TXLNB: variants seen among roughly 807,000 people sequenced by gnomAD.
TXLNB encodes the protein taxilin beta, also known as beta-taxilin.
A neutral mutation model predicts 57.4 loss-of-function variants in TXLNB; 37 were observed. That is an observed-to-expected ratio of 0.64 (90% CI 0.50 to 0.85). TXLNB has a LOEUF of 0.85. Among genes scored for constraint, TXLNB ranks in the 40% least tolerant of loss-of-function variants. The pLI, the probability that TXLNB is intolerant of heterozygous loss-of-function variation, is 0.00. For synonymous variants in TXLNB, 302 were observed against 309.6 expected, an observed-to-expected ratio of 0.98 and a Z score of 0.26; for missense variants, 848 against 825.6, an observed-to-expected ratio of 1.03 and a Z score of -0.33.
At chr6:139,301,868 C>T in the TXLNB span, among the ~76,000 whole-genome samples, 2 of 152,138 alleles carry the variant, frequency 1.3e-5, no homozygotes, top group South Asian at 2.1e-4. Flanking sequence ...AGACTTGTCC[C>T]GTCCCCTAAA....
intron 2 of TXLNB, among the ~76,000 whole-genome samples, chr6:139,279,336 T>C (rs918667428): frequency 6.6e-6 from 1 of 152,348 alleles, no homozygotes; most frequent in East Asian, 1.9e-4. Context: ...CTGAGGTCTC[T>C]TTCTGCTCTA....
At chr6:139,183,062 T>C in the TXLNB span, 5 of 152,252 alleles carry the variant, frequency 3.3e-5, no homozygotes, top group African/African-American at 7.2e-5. Flanking sequence ...TCATAGAATT[T>C]AGACGTGTCA....
chr6:139,262,735 T>C lies in TXLNB; in HGVS notation c.726A>G (p.Lys242=). The C allele has an allele frequency of 1.9e-6, 3 of 1,614,030 alleles. No individual in the cohort carries two copies. Among genetic ancestry groups the C allele is most frequent in the Non-Finnish European group, 2.5e-6 (3 of 1,179,984 alleles). ...GGAAATGGCTTGTGATTTCCTTCCT[T>C]TTCTCTTCTTCCTCACGTGCCCGCT... ...ALQRAREEEE[K]RKEITSHFQS... Residue 242 remains lysine (K), a synonymous_variant, in exon 5 of 10, where the codon AAA becomes AAG. Transcript: ENST00000358430.
At chr6:139,173,294 A>G in the TXLNB span, among the ~76,000 whole-genome samples, 1 of 152,202 alleles carries the variant, frequency 6.6e-6, no homozygotes, top group Non-Finnish European at 1.5e-5. Flanking sequence ...ACACTTATAA[A>G]GTGCTTTCCA....
At chr6:139,229,322 T>TTTTA in the TXLNB span, among the ~76,000 whole-genome samples, 99,362 of 150,952 alleles carry the variant, frequency 0.66, 33,156 homozygotes, top group East Asian at 0.81. Context: ...CATTTTAAAA[T>TTTTA]TTTATTTATT....
At chr6:139,192,231 G>T in the TXLNB span, among the ~76,000 whole-genome samples, 2 of 152,286 alleles carry the variant, frequency 1.3e-5, no homozygotes, top group East Asian at 3.9e-4. Context: ...AGACATACTT[G>T]TCTGCCAGCT....
At chr6:139,288,329 G>T in intron 2 of TXLNB, 147 bp downstream of exon 2, 1 of 781,878 alleles carries the variant, frequency 1.3e-6, no homozygotes, top group Non-Finnish European at 2.0e-6. Context: ...AGGGGTAAGG[G>T]CTGGGGACAA....
intron 6 of TXLNB, among the ~76,000 whole-genome samples, chr6:139,259,516 G>A (rs1438625729): frequency 6.6e-6 from 1 of 152,152 alleles, no homozygotes; most frequent in East Asian, 1.9e-4. Flanking sequence ...TCCTCATCTG[G>A]CAGGGCTTAG....
At chr6:139,303,631 T>C in the TXLNB span, among the ~76,000 whole-genome samples, 1 of 151,776 alleles carries the variant, frequency 6.6e-6, no homozygotes, top group African/African-American at 2.4e-5. Context: ...TAAGTAATTA[T>C]AAATTACTTA....
chr6:139,299,029 C>T, the TXLNB span, among the ~76,000 whole-genome samples: 45 of 152,154 alleles, frequency 3.0e-4, no homozygotes, highest in African/African-American at 1.1e-3. Context: ...TGGCACCATG[C>T]GTCTTATGCA....
At chr6:139,210,516 C>T in the TXLNB span, among the ~76,000 whole-genome samples, 2 of 152,180 alleles carry the variant, frequency 1.3e-5, no homozygotes, top group East Asian at 3.8e-4. Flanking sequence ...CCAAGATGGC[C>T]GAATAGGAAC....
the TXLNB span, among the ~76,000 whole-genome samples, chr6:139,176,494 A>C: frequency 1.3e-5 from 2 of 152,198 alleles, no homozygotes; most frequent in African/African-American, 4.8e-5. The surrounding 1 kb of genome is among the most constrained non-coding windows in gnomAD (Gnocchi z 4.5). Context: ...TCAGACCAGC[A>C]CCGCACTTCC....
At chr6:139,211,747 T>C in the TXLNB span, among the ~76,000 whole-genome samples, 2 of 152,082 alleles carry the variant, frequency 1.3e-5, no homozygotes, top group East Asian at 1.9e-4. Context: ...ATTAGACGAA[T>C]GGATAACTAG....
chr6:139,261,510 T>C (rs1331579264), intron 5 of TXLNB, among the ~76,000 whole-genome samples: 1 of 152,108 alleles, frequency 6.6e-6, no homozygotes, highest in Non-Finnish European at 1.5e-5. Context: ...TTGGGTGGGA[T>C]AGGGAAAGGA....
the TXLNB span, among the ~76,000 whole-genome samples, chr6:139,211,020 G>A: frequency 5.3e-5 from 8 of 152,344 alleles, no homozygotes; most frequent in South Asian, 2.1e-4. Context: ...AGCTCAAGGA[G>A]GCCTGCCTGC....
the TXLNB span, among the ~76,000 whole-genome samples, chr6:139,213,319 A>G: frequency 6.6e-6 from 1 of 152,230 alleles, no homozygotes; most frequent in Non-Finnish European, 1.5e-5. Flanking sequence ...CAGGATTAAG[A>G]AACTCACTCA....
chr6:139,298,770 T>C, the TXLNB span, among the ~76,000 whole-genome samples: 2 of 152,142 alleles, frequency 1.3e-5, no homozygotes, highest in Non-Finnish European at 2.9e-5. Flanking sequence ...CATGTAGAAA[T>C]TTGATCCCCA....
Position 139,242,667 on chromosome 6 carries a change from T to C in TXLNB, c.1914A>G (p.Glu638=), listed in dbSNP as rs568133605. Residue 638 remains glutamate (E), a synonymous_variant, in exon 10 of 10, where the codon GAA becomes GAG. Transcript: ENST00000358430. ...CAGGCACCATGGCTGCAACGTGCTC[T>C]TCTGCTGCGCATGCTGGAGCAGGCA... ...ADVPAPACAA[E]EHVAAMVPAC... 35 of 1,611,230 alleles carry C rather than the reference T, an allele frequency of 2.2e-5. 1 individual carries two copies. In the South Asian group the frequency reaches 3.5e-4, roughly 16 times the overall value.
chr6:139,247,852 C>T lies in TXLNB; in HGVS notation c.1135G>A (p.Glu379Lys), dbSNP rs780110487. The T allele has an allele frequency of 5.6e-6, 9 of 1,606,278 alleles. No homozygotes were observed. The highest frequency in any genetic ancestry group is 1.3e-5 in the African/African-American group (1 of 74,474). The change falls in exon 8 of 10, where the codon GAG becomes AAG. Residue 379 changes from glutamate to lysine, a missense_variant. Glu to Lys is a moderately conservative substitution (Grantham distance 56, BLOSUM62 1). Coordinates refer to ENST00000358430, the MANE Select transcript of TXLNB (RefSeq NM_153235.4). ...EFQSTLTKSN[E>K]VFATFKQEMD... is the part of the protein sequence containing the mutation. ...TCCTGTTTGAACGTGGCAAACACCT[C>T]GTTGCTTTTAGTTAGTGTGCTCTGG...
Sources: gnomAD v4.1 joint callset for allele counts (sites outside exome capture counted in the v4.1 genomes callset) on GRCh38, gnomAD v4.1.1 for gene constraint, Gnocchi (gnomAD v3.1) non-coding constraint, MANE v1.5 for transcripts, NCBI Gene and HGNC (gene_info 2026-07-23, HGNC 2026-07-21) for gene names.